The following PEX7 variants were observed in gnomAD, a reference collection of about 807,000 sequenced individuals.
PEX7 encodes the protein peroxisomal biogenesis factor 7, also known as PTS2 receptor.
Under a neutral mutation model 47.5 loss-of-function variants are expected in PEX7, and 34 were observed. The ratio of observed to expected loss-of-function variants is 0.72; its 90% CI spans 0.54 to 0.95. The LOEUF is 0.95. PEX7 is among the 40% of genes least tolerant of loss of function. The probability of loss-of-function intolerance (pLI) is 0.00; values close to 1 mark genes in which losing one functional copy is unlikely to be tolerated. For missense variants in PEX7, 394 were observed against 400.3 expected (o/e 0.98, Z 0.13); for synonymous variants, 141 against 148.8 (o/e 0.95, Z 0.38).
chr6:136,857,189 G>A (rs1024454700), intron 5 of PEX7, among the ~76,000 whole-genome samples: 5 of 152,142 alleles, frequency 3.3e-5, no homozygotes, highest in Admixed American at 6.5e-5. Context: ...TGTACCATGC[G>A]TTTGTAAGCA....
intron 8 of PEX7, among the ~76,000 whole-genome samples, chr6:136,889,789 A>G (rs1277282969): frequency 6.6e-6 from 1 of 152,254 alleles, no homozygotes; most frequent in African/African-American, 2.4e-5. Flanking sequence ...CATTAGAAGA[A>G]GCAACTAAAA....
intron 3 of PEX7, among the ~76,000 whole-genome samples, chr6:136,828,643 G>A (rs570251659): frequency 2.6e-5 from 4 of 152,252 alleles, no homozygotes; most frequent in African/African-American, 9.6e-5. Context: ...TCATCCTTCT[G>A]ATAGCCTCCT....
Position 136,823,476 on chromosome 6 carries a change from T to G in PEX7, c.130+681T>G, listed in dbSNP as rs1439330861. ...AGGAGGCTGAGGCGGGAGGATCGCTTGAGCCCGGGATGTTGAGGCTACAAT... is the reference window on the plus strand; with the variant it reads ...AGGAGGCTGAGGCGGGAGGATCGCTGGAGCCCGGGATGTTGAGGCTACAAT... On this transcript the variant is annotated intron_variant, in intron 1 of 9. Transcript: ENST00000318471. The G allele has an allele frequency of 1.2e-5, 5 of 412,924 alleles. No homozygotes were observed. The Admixed American group carries it at 3.2e-4, about 27-fold the overall frequency. 25.6% of individuals were successfully genotyped at this position (412,924 alleles called of 1,614,324 possible).
intron 5 of PEX7, among the ~76,000 whole-genome samples, chr6:136,857,233 T>A (rs906043054): frequency 6.6e-6 from 1 of 152,238 alleles, no homozygotes; most frequent in Non-Finnish European, 1.5e-5. Context: ...GCTTCACTTG[T>A]TTTCATACAT....
intron 9 of PEX7, among the ~76,000 whole-genome samples, chr6:136,903,143 A>G (rs984823297): frequency 6.6e-6 from 1 of 152,152 alleles, no homozygotes; most frequent in Non-Finnish European, 1.5e-5. Context: ...TTTTAAGTGT[A>G]CAGCTCAATT....
At chr6:136,890,588 T>C (rs1034658104) in intron 8 of PEX7, among the ~76,000 whole-genome samples, 3 of 152,292 alleles carry the variant, frequency 2.0e-5, no homozygotes, top group Admixed American at 2.0e-4. Context: ...CATCACCGTG[T>C]CCACCCTCTG....
intron 3 of PEX7, among the ~76,000 whole-genome samples, chr6:136,844,364 C>G (rs938852448): frequency 6.9e-5 from 9 of 130,292 alleles, no homozygotes; most frequent in East Asian, 2.3e-4. Flanking sequence ...GCGCAAGACC[C>G]TGTTTTGGAA....
chr6:136,880,786 T>C (rs1261596724), intron 8 of PEX7, among the ~76,000 whole-genome samples: 2 of 152,212 alleles, frequency 1.3e-5, no homozygotes, highest in South Asian at 2.1e-4. Context: ...GTACTTCTAA[T>C]AGAATAAATT....
At chr6:136,875,764 C>G (rs899714905) in intron 8 of PEX7, among the ~76,000 whole-genome samples, 8 of 152,132 alleles carry the variant, frequency 5.3e-5, no homozygotes, top group African/African-American at 1.9e-4. Flanking sequence ...ATGTTAAAAT[C>G]TCCTATCATT....
intron 5 of PEX7, among the ~76,000 whole-genome samples, chr6:136,863,453 T>C (rs1775002247): frequency 6.6e-6 from 1 of 152,048 alleles, no homozygotes; most frequent in Middle Eastern, 3.2e-3. Context: ...TACAAAGCAG[T>C]AGTAGTACGT....
chr6:136,869,754 A>T, intron 6 of PEX7, 136 bp from the exon 7 acceptor site: 1 of 779,416 alleles, frequency 1.3e-6, no homozygotes, highest in South Asian at 1.4e-5. Flanking sequence ...TATACTTGTT[A>T]TACAACTTCT....
rs141902823 is a variant in PEX7 at position 136,856,034 on chromosome 6, A to T, written c.526+9853A>T. On this transcript the variant is annotated intron_variant, in intron 5 of 9. Transcript: ENST00000318471. ...ATGGAATACATAGCATTGACTCTGG[A>T]TAGTGCTGTAGAATATGCACTGTAT... Among the ~76,000 whole-genome samples, 689 of 152,284 alleles carry T rather than the reference A, an allele frequency of 4.5e-3. 8 individuals are homozygous for T. Among genetic ancestry groups the T allele is most frequent in the African/African-American group, 0.016 (660 of 41,546 alleles).
At chr6:136,882,218 C>T (rs1470651417) in intron 8 of PEX7, among the ~76,000 whole-genome samples, 9 of 140,606 alleles carry the variant, frequency 6.4e-5, no homozygotes, top group African/African-American at 1.9e-4. Flanking sequence ...TGCTCTGTCA[C>T]CCAGGCTGCA....
Position 136,822,672 on chromosome 6 carries a change from G to A in PEX7, c.7G>A (p.Ala3Thr). 6.6e-7 allele frequency: 1 copy of A among 1,525,328 alleles called. No individual in the cohort carries two copies. Among genetic ancestry groups the A allele is most frequent in the South Asian group, 1.2e-5 (1 of 83,622 alleles). 94.5% of individuals were successfully genotyped at this position (1,525,328 alleles called of 1,614,324 possible). Residue 3 changes from alanine (A) to threonine (T), a missense_variant, in exon 1 of 10, where the codon GCG becomes ACG. By Grantham distance (58) the Ala-to-Thr change is moderately conservative. Transcript: ENST00000318471. The part of the protein sequence containing the change: MS[A>T]VCGGAARMLR... ...GCCGGGGGCGGCGGGCGGGATGAGTGCGGTGTGCGGTGGAGCGGCGCGGAT... is the reference window on the plus strand; with the variant it reads ...GCCGGGGGCGGCGGGCGGGATGAGTACGGTGTGCGGTGGAGCGGCGCGGAT...
At chr6:136,830,327 C>G in intron 3 of PEX7, 1 of 305,400 alleles carries the variant, frequency 3.3e-6, no homozygotes. Flanking sequence ...TTCCAGTTAC[C>G]CACTTTACCA....
At chr6:136,854,323 A>G (rs1774819758) in intron 5 of PEX7, among the ~76,000 whole-genome samples, 1 of 152,024 alleles carries the variant, frequency 6.6e-6, no homozygotes, top group Non-Finnish European at 1.5e-5. Flanking sequence ...CAGCCTTCTG[A>G]GTACAGGTGT....
chr6:136,825,619 C>T (rs1582732280), intron 2 of PEX7, among the ~76,000 whole-genome samples: 1 of 152,166 alleles, frequency 6.6e-6, no homozygotes, highest in South Asian at 2.1e-4. Context: ...GTGCAGTCTT[C>T]CCCTCCTGGG....
intron 3 of PEX7, among the ~76,000 whole-genome samples, chr6:136,831,405 G>A (rs1774290868): frequency 6.6e-6 from 1 of 152,162 alleles, no homozygotes; most frequent in Admixed American, 6.5e-5. Context: ...TGGACACATG[G>A]GGATTACAAT....
At chr6:136,873,719 T>C (rs565190193) in intron 8 of PEX7, among the ~76,000 whole-genome samples, 1 of 152,296 alleles carries the variant, frequency 6.6e-6, no homozygotes, top group South Asian at 2.1e-4. Flanking sequence ...ACGCCTTTAG[T>C]GTTTCTCTAT....
Sources: allele counts gnomAD v4.1 joint callset (sites outside exome capture counted in the v4.1 genomes callset), GRCh38; gene constraint gnomAD v4.1.1; transcripts MANE v1.5; gene names NCBI Gene and HGNC (gene_info 2026-07-23, HGNC 2026-07-21).